SNX14: variants seen among roughly 807,000 people sequenced by gnomAD.
The protein encoded by SNX14 is sorting nexin 14, also known as sorting nexin-14.
A neutral mutation model predicts 133.8 loss-of-function variants in SNX14; 93 were observed. The ratio of observed to expected loss-of-function variants is 0.70; its 90% CI spans 0.59 to 0.83. SNX14 has a LOEUF of 0.83. Ranked by LOEUF, SNX14 falls within the 40% of genes least tolerant of loss-of-function variation. SNX14 has a pLI of 0.00. For synonymous variants in SNX14, 368 were observed against 365.6 expected (o/e 1.01, Z -0.07); for missense variants, 945 against 1,094.9 (o/e 0.86, Z 1.93).
intron 20 of SNX14, among the ~76,000 whole-genome samples, chr6:85,526,674 T>C (rs1329231233): frequency 6.6e-6 from 1 of 152,178 alleles, no homozygotes; most frequent in South Asian, 2.1e-4. Context: ...CCTGATAAAT[T>C]TTTAAAAGTC....
At chr6:85,547,637 G>T in intron 9 of SNX14, 87 bp from the exon 10 acceptor site, 1 of 1,157,562 alleles carries the variant, frequency 8.6e-7, no homozygotes, top group Non-Finnish European at 1.2e-6. Context: ...TATTATGTAA[G>T]TTTCTAGAAA....
intron 5 of SNX14, among the ~76,000 whole-genome samples, chr6:85,566,950 G>A (rs944344467): frequency 1.6e-4 from 24 of 151,948 alleles, no homozygotes; most frequent in East Asian, 7.7e-4. Context: ...GCCCTTGCAC[G>A]TACATGGCAT....
rs187967613 is a variant in SNX14, at chr6:85,578,944, T to C, written c.141-4566A>G. 7.9e-5 allele frequency among the ~76,000 whole-genome samples: 12 copies of C among 152,194 alleles called. No homozygotes were observed. The East Asian group carries it at 2.3e-3, about 29-fold the overall frequency. On this transcript the variant is annotated intron_variant, in intron 1 of 28. Transcript: ENST00000314673. ...TGAGCTCAGGAGTTCGAGACCAGCC[T>C]GGCCAACATGATGAAACCACGTCTC...
rs1412586609 is a variant in SNX14, at chr6:85,572,255, A to G, written c.339-40T>C. 6.2e-6 allele frequency: 10 copies of G among 1,610,366 alleles called. No individual in the cohort carries two copies. In the African/African-American group the frequency reaches 9.4e-5, roughly 15 times the overall value. On this transcript the variant is annotated intron_variant, in intron 3 of 28. Coordinates refer to ENST00000314673, the MANE Select transcript of SNX14 (RefSeq NM_153816.6). ...TACAACTAAATCACTTGAAATCCAA[A>G]TGTAATTAGAAGGATCAACAAATAA...
intron 7 of SNX14, among the ~76,000 whole-genome samples, chr6:85,550,174 C>T (rs528073879): frequency 4.6e-5 from 7 of 152,180 alleles, no homozygotes; most frequent in African/African-American, 1.4e-4. Context: ...ACCCAGGAGG[C>T]GGAGGTTGCA....
intron 12 of SNX14, among the ~76,000 whole-genome samples, chr6:85,545,805 T>G (rs1291861718): frequency 6.6e-6 from 1 of 152,170 alleles, no homozygotes; most frequent in Non-Finnish European, 1.5e-5. Context: ...TGCCTCAGCC[T>G]CCTGAGTAGC....
At chr6:85,564,052 G>A (rs575688362) in intron 6 of SNX14, among the ~76,000 whole-genome samples, 1 of 152,232 alleles carries the variant, frequency 6.6e-6, no homozygotes, top group South Asian at 2.1e-4. Flanking sequence ...ATAGTTTGCT[G>A]AGAATGATGG....
chr6:85,532,720 A>G (rs1182093390), intron 18 of SNX14, among the ~76,000 whole-genome samples: 1 of 151,886 alleles, frequency 6.6e-6, no homozygotes, highest in African/African-American at 2.4e-5. Context: ...TTTTAATTTG[A>G]TTTCTTTTTA....
intron 28 of SNX14, among the ~76,000 whole-genome samples, chr6:85,506,509 G>C (rs1460252905): frequency 6.6e-6 from 1 of 152,002 alleles, no homozygotes; most frequent in African/African-American, 2.4e-5. Context: ...GTAGAGACAG[G>C]GTTTCACCGT....
intron 5 of SNX14, among the ~76,000 whole-genome samples, chr6:85,566,066 T>A (rs766618844): frequency 1.3e-5 from 2 of 152,218 alleles, no homozygotes; most frequent in African/African-American, 2.4e-5. Flanking sequence ...GATAATTGTA[T>A]CAACCATGCT....
intron 1 of SNX14, among the ~76,000 whole-genome samples, chr6:85,590,943 G>A (rs189787040): frequency 2.0e-4 from 31 of 152,204 alleles, no homozygotes; most frequent in African/African-American, 5.8e-4. Flanking sequence ...TCAATCCATA[G>A]TACATACCAA....
At chr6:85,591,133 A>G (rs3900740) in intron 1 of SNX14, among the ~76,000 whole-genome samples, 12,506 of 152,080 alleles carry the variant, frequency 0.082, 836 homozygotes, top group East Asian at 0.22. Context: ...ATTATTTTTT[A>G]TTTCAGAATA....
At chr6:85,592,504 T>C (rs1010915409) in intron 1 of SNX14, among the ~76,000 whole-genome samples, 10 of 152,248 alleles carry the variant, frequency 6.6e-5, no homozygotes, top group East Asian at 3.8e-4. Flanking sequence ...TGGTGTTAAT[T>C]TTAATGGAAA....
At chr6:85,526,535 A>G (rs1778541099) in intron 20 of SNX14, among the ~76,000 whole-genome samples, 2 of 152,206 alleles carry the variant, frequency 1.3e-5, no homozygotes. Flanking sequence ...GAATAATGAC[A>G]CTACCTATAG....
chr6:85,508,578 AT>A (rs1451903146), intron 26 of SNX14: 1 of 186,908 alleles, frequency 5.4e-6, no homozygotes, highest in East Asian at 1.9e-4. Context: ...AAAAAGTTTA[AT>A]TTTTAAGGCA....
chr6:85,505,948 C>A lies in SNX14; in HGVS notation c.*19G>T. On this transcript the variant is annotated 3_prime_UTR_variant, in exon 29 of 29. Transcript: ENST00000314673. ...ACAGCAGAAATTTCAATGGGTTATTCTATACCAAATCCAAGTGTTTACATC... is the reference window on the plus strand; with the variant it reads ...ACAGCAGAAATTTCAATGGGTTATTATATACCAAATCCAAGTGTTTACATC... 6.3e-7 allele frequency: 1 copy of A among 1,587,076 alleles called. No individual in the cohort carries two copies. The highest frequency in any genetic ancestry group is 1.1e-5 in the South Asian group (1 of 90,440).
At chr6:85,565,655 T>C (rs1793581657) in intron 5 of SNX14, among the ~76,000 whole-genome samples, 1 of 152,222 alleles carries the variant, frequency 6.6e-6, no homozygotes, top group Admixed American at 6.5e-5. Context: ...ATATATTTCC[T>C]TGCAGACATA....
chr6:85,593,254 T>G (rs1366247548), intron 1 of SNX14, among the ~76,000 whole-genome samples: 1 of 152,192 alleles, frequency 6.6e-6, no homozygotes, highest in Non-Finnish European at 1.5e-5. Context: ...TGACTGCCTG[T>G]GTACAGTCTC....
intron 12 of SNX14, among the ~76,000 whole-genome samples, chr6:85,544,462 G>A (rs1784857022): frequency 6.6e-6 from 1 of 152,144 alleles, no homozygotes; most frequent in Admixed American, 6.6e-5. Flanking sequence ...TTAAAGAAGA[G>A]AAAATGGGGC....
Sources: gnomAD v4.1 joint callset for allele counts (sites outside exome capture counted in the v4.1 genomes callset) on GRCh38, gnomAD v4.1.1 for gene constraint, MANE v1.5 for transcripts, NCBI Gene and HGNC (gene_info 2026-07-23, HGNC 2026-07-21) for gene names.